Variants in CACNA2D1 observed in about 807,000 individuals in gnomAD.
CACNA2D1 encodes the protein calcium voltage-gated channel auxiliary subunit alpha2delta 1, also known as voltage-dependent calcium channel subunit alpha-2/delta-1.
CACNA2D1 carries 53 observed loss-of-function variants against 171.5 expected under a neutral mutation model. That is an observed-to-expected ratio of 0.31 (90% CI 0.25 to 0.39). The LOEUF (loss-of-function observed/expected upper bound fraction) is 0.39. Among genes scored for constraint, CACNA2D1 ranks in the 10% least tolerant of loss-of-function variants. The pLI is 1.00. For missense variants in CACNA2D1, 903 were observed against 1,299.8 expected (o/e 0.69, Z 4.69); for synonymous variants, 442 against 443.1 (o/e 1.00, Z 0.03).
At chr7:81,999,659 A>ATT (rs773162633) in intron 18 of CACNA2D1, among the ~76,000 whole-genome samples, 8 of 152,174 alleles carry the variant, frequency 5.3e-5, no homozygotes, top group Non-Finnish European at 7.3e-5. Flanking sequence ...TTTTAATTAT[A>ATT]TTGTTAAGAG....
At position 82,053,913 on chromosome 7, in the gene CACNA2D1, C is replaced by A. The variant is rs1343892719; in HGVS notation, c.879+6515G>T. Among the ~76,000 whole-genome samples, 3 of 152,270 alleles carry A rather than the reference C, an allele frequency of 2.0e-5. No homozygotes were observed. The East Asian group carries it at 5.8e-4, about 29-fold the overall frequency. On this transcript the variant is annotated intron_variant, in intron 10 of 38. Transcript: ENST00000356860. The stretch of plus-strand genomic sequence containing the variant: ...ACATTCAAACCACACCAAATGAGTA[C>A]ACCCAGCTTAGGATTTACAAAGAGC...
At chr7:82,327,515 T>A (rs1003029211) in intron 3 of CACNA2D1, among the ~76,000 whole-genome samples, 3 of 152,214 alleles carry the variant, frequency 2.0e-5, no homozygotes, top group Non-Finnish European at 4.4e-5. Flanking sequence ...CTAAAAGCAG[T>A]CTCAGTTAAT....
At chr7:82,052,513 A>C (rs1490163840) in intron 10 of CACNA2D1, among the ~76,000 whole-genome samples, 1 of 152,172 alleles carries the variant, frequency 6.6e-6, no homozygotes, top group East Asian at 1.9e-4. Context: ...TCTTACCAGA[A>C]TGTTGCATAA....
intron 3 of CACNA2D1, among the ~76,000 whole-genome samples, chr7:82,334,151 TTTGA>T (rs769369548): frequency 2.0e-5 from 3 of 152,136 alleles, no homozygotes; most frequent in Non-Finnish European, 4.4e-5. Context: ...TTTACACCCA[TTTGA>T]TTGCCTATAA....
intron 6 of CACNA2D1, among the ~76,000 whole-genome samples, chr7:82,111,676 TG>T (rs1788491773): frequency 6.6e-6 from 1 of 151,662 alleles, no homozygotes. Flanking sequence ...CCCTAACTCC[TG>T]GGCTCAATCG....
chr7:82,356,197 A>G (rs1820405299), intron 1 of CACNA2D1, among the ~76,000 whole-genome samples: 1 of 152,152 alleles, frequency 6.6e-6, no homozygotes. Flanking sequence ...TTCGTCTTTC[A>G]CTGATGAGAA....
chr7:81,969,103 T>C, intron 28 of CACNA2D1, 130 bp from the exon 29 acceptor site: 1 of 636,018 alleles, frequency 1.6e-6, no homozygotes, highest in East Asian at 2.9e-5. Flanking sequence ...ATAAAATGTT[T>C]GTGCTCTCCT....
chr7:81,989,770 T>C (rs2130726035), intron 21 of CACNA2D1, among the ~76,000 whole-genome samples: 1 of 152,290 alleles, frequency 6.6e-6, no homozygotes. Context: ...GTATGCCAAA[T>C]TCAACTATGA....
intron 3 of CACNA2D1, among the ~76,000 whole-genome samples, chr7:82,196,687 A>T (rs548137369): frequency 6.6e-6 from 1 of 152,146 alleles, no homozygotes; most frequent in African/African-American, 2.4e-5. Flanking sequence ...TGAAATAACA[A>T]GAGAAGATTG....
At chr7:82,032,532 C>T (rs896218898) in intron 12 of CACNA2D1, among the ~76,000 whole-genome samples, 6 of 151,622 alleles carry the variant, frequency 4.0e-5, no homozygotes, top group African/African-American at 1.5e-4. Flanking sequence ...ATTTTATTTA[C>T]AATCTATGCA....
At chr7:82,147,194 T>A (rs552969407) in intron 4 of CACNA2D1, among the ~76,000 whole-genome samples, 1 of 152,046 alleles carries the variant, frequency 6.6e-6, no homozygotes, top group Admixed American at 6.6e-5. Flanking sequence ...TAGACTGATT[T>A]CAGAGTTCAT....
chr7:82,241,958 A>G (rs1275862982), intron 3 of CACNA2D1, among the ~76,000 whole-genome samples: 1 of 152,154 alleles, frequency 6.6e-6, no homozygotes, highest in African/African-American at 2.4e-5. Context: ...ACTGATGATG[A>G]CACCTCTTGA....
intron 3 of CACNA2D1, among the ~76,000 whole-genome samples, chr7:82,217,449 G>C (rs1801269457): frequency 9.0e-6 from 1 of 111,538 alleles, no homozygotes; most frequent in Non-Finnish European, 1.7e-5. Flanking sequence ...TATGTCTTTA[G>C]GATATAAAGA....
Position 82,355,287 on chromosome 7 carries a change from T to C in CACNA2D1, c.96-5638A>G, listed in dbSNP as rs1006008738. On this transcript the variant is annotated intron_variant, in intron 1 of 38. Coordinates refer to ENST00000356860, the MANE Select transcript of CACNA2D1 (RefSeq NM_000722.4). The stretch of plus-strand genomic sequence containing the variant: ...GCTCAAGAAAGTGCATGGCAACTCA[T>C]GTATATCTGGTTGTACAGGTATAAT... Among the ~76,000 whole-genome samples, 7 of 152,164 alleles carry C rather than the reference T, an allele frequency of 4.6e-5. No homozygotes were observed. In the East Asian group the frequency reaches 9.6e-4, roughly 21 times the overall value.
chr7:82,428,103 T>A (rs59113881), intron 1 of CACNA2D1, among the ~76,000 whole-genome samples: 44,741 of 111,458 alleles, frequency 0.4, 7,928 homozygotes, highest in South Asian at 0.58. Flanking sequence ...AAATAAAAAA[T>A]AAATAAAAAA....
chr7:81,982,704 T>A (rs745803177), intron 23 of CACNA2D1, 77 bp from the exon 24 acceptor site: 3 of 896,994 alleles, frequency 3.3e-6, no homozygotes, highest in Non-Finnish European at 5.7e-6. Flanking sequence ...TAAGAAGGCA[T>A]GAGAAAGATT....
At chr7:82,032,279 G>T (rs1412339636) in intron 12 of CACNA2D1, among the ~76,000 whole-genome samples, 1 of 151,838 alleles carries the variant, frequency 6.6e-6, no homozygotes, top group African/African-American at 2.4e-5. Context: ...ACCTATAAAA[G>T]GATTTGTCTT....
At chr7:82,052,565 A>G (rs1362080866) in intron 10 of CACNA2D1, among the ~76,000 whole-genome samples, 1 of 152,152 alleles carries the variant, frequency 6.6e-6, no homozygotes, top group Non-Finnish European at 1.5e-5. Flanking sequence ...GACAGTATAT[A>G]CTCAAAATAA....
At chr7:82,360,442 T>A (rs138253211) in intron 1 of CACNA2D1, among the ~76,000 whole-genome samples, 2 of 152,290 alleles carry the variant, frequency 1.3e-5, no homozygotes, top group East Asian at 1.9e-4. Context: ...TAAGTTTTCA[T>A]CAGTATTTTC....
Sources: gnomAD v4.1 joint callset for allele counts (sites outside exome capture counted in the v4.1 genomes callset) on GRCh38, gnomAD v4.1.1 for gene constraint, MANE v1.5 for transcripts, NCBI Gene and HGNC (gene_info 2026-07-23, HGNC 2026-07-21) for gene names.